The following DAB1 variants were observed in gnomAD, a reference collection of about 807,000 sequenced individuals.
DAB1 encodes the protein DAB adaptor protein 1.
DAB1 carries 15 observed loss-of-function variants against 64.6 expected under a neutral mutation model. The observed-to-expected ratio is 0.23, with a 90% CI of 0.16 to 0.36. The LOEUF (loss-of-function observed/expected upper bound fraction) is 0.36, where lower values mean the gene tolerates loss of function less well. Ranked by LOEUF, DAB1 falls within the 10% of genes least tolerant of loss-of-function variation. The pLI, the probability that DAB1 is intolerant of heterozygous loss-of-function variation, is 1.00. For synonymous variants in DAB1, 235 were observed against 251.9 expected (o/e 0.93, Z 0.64); for missense variants, 596 against 706.7 (o/e 0.84, Z 1.78).
At chr1:57,081,875 T>G (rs1363479863) in intron 4 of DAB1, among the ~76,000 whole-genome samples, 2 of 152,108 alleles carry the variant, frequency 1.3e-5, no homozygotes, top group African/African-American at 4.8e-5. Flanking sequence ...ATATTGCTAT[T>G]AAAAAAACAA....
chr1:58,353,081 C>A (rs749093395), intron 3 of DAB1, among the ~76,000 whole-genome samples: 1 of 152,096 alleles, frequency 6.6e-6, no homozygotes, highest in Non-Finnish European at 1.5e-5. Flanking sequence ...GCTGCCGAAT[C>A]GAACCTCCAC....
intron 5 of DAB1, among the ~76,000 whole-genome samples, chr1:58,004,487 C>T (rs914979151): frequency 6.6e-6 from 1 of 152,068 alleles, no homozygotes; most frequent in Non-Finnish European, 1.5e-5. Context: ...GGAGCAGGAC[C>T]TCAGTAGCTT....
intron 1 of DAB1, among the ~76,000 whole-genome samples, chr1:57,417,637 A>G (rs927576915): frequency 2.0e-5 from 3 of 152,212 alleles, no homozygotes; most frequent in African/African-American, 4.8e-5. Context: ...AACAGGATAT[A>G]TAATTCAATA....
chr1:57,343,642 T>G (rs892742380), intron 1 of DAB1, among the ~76,000 whole-genome samples: 6 of 151,730 alleles, frequency 4.0e-5, no homozygotes, highest in Non-Finnish European at 8.8e-5. Context: ...CAGCAGCTGC[T>G]GGCCTAGGTG....
chr1:57,988,743 C>T (rs1321551545), intron 5 of DAB1, among the ~76,000 whole-genome samples: 1 of 152,164 alleles, frequency 6.6e-6, no homozygotes, highest in Non-Finnish European at 1.5e-5. Flanking sequence ...GTGGGGACTT[C>T]AGATAGCCAG....
At chr1:57,387,473 T>G (rs1248818396) in intron 1 of DAB1, 1 of 127,896 alleles carries the variant, frequency 7.8e-6, no homozygotes, top group Non-Finnish European at 1.7e-5. Context: ...TATATATATG[T>G]GTATATGTAC....
intron 5 of DAB1, among the ~76,000 whole-genome samples, chr1:57,897,711 C>A (rs911627100): frequency 1.3e-5 from 2 of 152,110 alleles, no homozygotes; most frequent in Non-Finnish European, 2.9e-5. Context: ...GAAGAGTAGG[C>A]ATTTCTCACT....
At chr1:57,891,041 G>A (rs942985590) in intron 5 of DAB1, among the ~76,000 whole-genome samples, 2 of 152,156 alleles carry the variant, frequency 1.3e-5, no homozygotes, top group African/African-American at 4.8e-5. Context: ...AAGAGCTTCT[G>A]CACAGTAAAA....
intron 3 of DAB1, chr1:58,506,000 A>C: frequency 2.6e-6 from 2 of 779,978 alleles, no homozygotes; most frequent in South Asian, 3.2e-5. Flanking sequence ...AAGAAGTGAC[A>C]GCATTAAAAA....
At chr1:58,476,916 G>A (rs1208620595) in intron 3 of DAB1, among the ~76,000 whole-genome samples, 1 of 152,112 alleles carries the variant, frequency 6.6e-6, no homozygotes, top group Non-Finnish European at 1.5e-5. Context: ...AAGATGGGAG[G>A]GTTTGAACCA....
intron 1 of DAB1, among the ~76,000 whole-genome samples, chr1:57,375,587 A>G (rs946832759): frequency 6.6e-6 from 1 of 152,184 alleles, no homozygotes; most frequent in South Asian, 2.1e-4. Flanking sequence ...TACTAAACAT[A>G]AGGGCCAGCA....
intron 2 of DAB1, among the ~76,000 whole-genome samples, chr1:57,219,314 A>G (rs2100373365): frequency 6.6e-6 from 1 of 152,174 alleles, no homozygotes; most frequent in East Asian, 1.9e-4. Context: ...CCAGAAGGAA[A>G]ATCTCAGAAT....
In DAB1 at chr1:57,302,051, A is replaced by G. The variant is rs946131790; in HGVS notation, c.-136-10885T>C. ...ACAAAAAGGGCTATCATCTTCCTTTAGCTTGCTAATGATTTGCTAGTCCAA... is the reference window on the plus strand; with the variant it reads ...ACAAAAAGGGCTATCATCTTCCTTTGGCTTGCTAATGATTTGCTAGTCCAA... On this transcript the variant is annotated intron_variant, in intron 1 of 14. Coordinates refer to ENST00000371236, the MANE Select transcript of DAB1 (RefSeq NM_001365792.1). 3.9e-5 allele frequency among the ~76,000 whole-genome samples: 6 copies of G among 152,134 alleles called. No homozygotes were observed. In the South Asian group the frequency reaches 1.2e-3, roughly 32 times the overall value.
intron 5 of DAB1, among the ~76,000 whole-genome samples, chr1:58,063,124 G>C (rs1004913759): frequency 6.6e-6 from 1 of 152,122 alleles, no homozygotes; most frequent in Admixed American, 6.5e-5. Flanking sequence ...TGTCCGAAGA[G>C]GCCCATTCCA....
intron 7 of DAB1, among the ~76,000 whole-genome samples, chr1:57,435,038 CTTTT>C (rs913872134): frequency 1.5e-5 from 2 of 130,628 alleles, no homozygotes; most frequent in South Asian, 2.4e-4. Context: ...TTTTTCTTTT[CTTTT>C]TTTCTTTTTT....
intron 3 of DAB1, among the ~76,000 whole-genome samples, chr1:58,388,604 C>A (rs1644452919): frequency 6.6e-6 from 1 of 152,220 alleles, no homozygotes; most frequent in South Asian, 2.1e-4. Flanking sequence ...AGCTCAAGAT[C>A]ATCTACCTTT....
intron 4 of DAB1, among the ~76,000 whole-genome samples, chr1:58,204,331 A>G (rs1658147128): frequency 6.6e-6 from 1 of 152,250 alleles, no homozygotes; most frequent in Non-Finnish European, 1.5e-5. Flanking sequence ...CAGAGGGTAG[A>G]ACTTAAATTC....
At chr1:57,745,373 C>A (rs1648215336) in intron 6 of DAB1, among the ~76,000 whole-genome samples, 1 of 152,116 alleles carries the variant, frequency 6.6e-6, no homozygotes, top group Admixed American at 6.5e-5. Context: ...CTTAATTTCA[C>A]TTAATTTGCT....
At chr1:57,274,801 C>A (rs1310324916) in intron 2 of DAB1, among the ~76,000 whole-genome samples, 2 of 151,916 alleles carry the variant, frequency 1.3e-5, no homozygotes, top group South Asian at 2.1e-4. Flanking sequence ...AGGCTGGTCT[C>A]GAGCTCCTGA....
Sources: gnomAD v4.1 joint callset for allele counts (sites outside exome capture counted in the v4.1 genomes callset) on GRCh38, gnomAD v4.1.1 for gene constraint, MANE v1.5 for transcripts, NCBI Gene and HGNC (gene_info 2026-07-23, HGNC 2026-07-21) for gene names.